The following PDSS2 variants were observed in gnomAD, a reference collection of about 807,000 sequenced individuals.
PDSS2 encodes the protein decaprenyl diphosphate synthase subunit 2.
A neutral mutation model predicts 44.5 loss-of-function variants in PDSS2; 31 were observed. The observed-to-expected ratio is 0.70, with a 90% CI of 0.52 to 0.94. The LOEUF (loss-of-function observed/expected upper bound fraction) is 0.94. Ranked by LOEUF, PDSS2 falls within the 40% of genes least tolerant of loss-of-function variation. The pLI is 0.00. For missense variants in PDSS2, 452 were observed against 482.2 expected, an observed-to-expected ratio of 0.94 and a Z score of 0.59; for synonymous variants, 157 against 180.3, an observed-to-expected ratio of 0.87 and a Z score of 1.03.
chr6:107,450,604 G>C (rs1354424133), intron 1 of PDSS2, among the ~76,000 whole-genome samples: 2 of 152,138 alleles, frequency 1.3e-5, no homozygotes, highest in Non-Finnish European at 2.9e-5. Context: ...CCAAGCTGTG[G>C]AATGAAAATG....
rs1554256034 is a variant in PDSS2 at position 107,225,139 on chromosome 6, A to ATATATATATATATATATATATT, written c.703-12858_703-12857insAATATATATATATATATATATA. Among the ~76,000 whole-genome samples, 21 of 35,524 alleles carry ATATATATATATATATATATATT rather than the reference A, an allele frequency of 5.9e-4. 6 individuals are homozygous for ATATATATATATATATATATATT. Among genetic ancestry groups the ATATATATATATATATATATATT allele is most frequent in the African/African-American group, 3.8e-3 (19 of 4,978 alleles). The allele number at this position is 35,524 out of a possible 152,430, so 23.3% of individuals were successfully genotyped here. On this transcript the variant is annotated intron_variant, in intron 4 of 7. Coordinates refer to ENST00000369037, the MANE Select transcript of PDSS2 (RefSeq NM_020381.4). Reference sequence around the variant, plus strand: ...GAAGCTTCACTATATATATATTTTTATATATATATATATATATATATATTT... The same window carrying ATATATATATATATATATATATT: ...GAAGCTTCACTATATATATATTTTTATATATATATATATATATATATTTATATATATATATATATATATATTT...
rs79807345 is a variant in PDSS2 at position 107,166,372 on chromosome 6, T to G, written c.1042-11595A>C. On this transcript the variant is annotated intron_variant, in intron 7 of 7. Transcript: ENST00000369037. ...CTAATTTATTGAGAGTTTTTTTTTT[T>G]TTTTTTTTTTGAGATGGAGTCTCAC... is the stretch of plus-strand genomic sequence containing the variant. Among the ~76,000 whole-genome samples the G allele has an allele frequency of 2.2e-4, 33 of 148,044 alleles. No homozygotes were observed. The East Asian group carries it at 4.7e-3, about 21-fold the overall frequency.
intron 3 of PDSS2, among the ~76,000 whole-genome samples, chr6:107,273,438 T>C (rs754980681): frequency 2.0e-5 from 3 of 152,130 alleles, no homozygotes; most frequent in Non-Finnish European, 4.4e-5. Context: ...TTACTGAAGA[T>C]CTACTTATGA....
intron 3 of PDSS2, among the ~76,000 whole-genome samples, chr6:107,264,827 C>T (rs1775359306): frequency 6.6e-6 from 1 of 152,144 alleles, no homozygotes; most frequent in Non-Finnish European, 1.5e-5. Flanking sequence ...GGCATGACCA[C>T]ATCACTACAG....
chr6:107,378,297 G>T (rs934432533), intron 1 of PDSS2, among the ~76,000 whole-genome samples: 4 of 149,150 alleles, frequency 2.7e-5, no homozygotes, highest in African/African-American at 7.5e-5. Flanking sequence ...AAGACACACG[G>T]GCTGAAAATG....
chr6:107,168,952 G>A (rs1160204777), intron 7 of PDSS2, among the ~76,000 whole-genome samples: 1 of 152,042 alleles, frequency 6.6e-6, no homozygotes, highest in South Asian at 2.1e-4. Context: ...ACAATTATGC[G>A]TCTTGGAGTT....
chr6:107,429,901 A>AAAAAAT (rs1166637352), intron 1 of PDSS2, among the ~76,000 whole-genome samples: 15 of 31,832 alleles, frequency 4.7e-4, no homozygotes, highest in South Asian at 2.6e-3. Flanking sequence ...AAAAAAAAAA[A>AAAAAAT]ATATATATAT....
At chr6:107,352,208 G>T (rs1778454387) in intron 1 of PDSS2, among the ~76,000 whole-genome samples, 1 of 151,950 alleles carries the variant, frequency 6.6e-6, no homozygotes, top group Admixed American at 6.6e-5. Context: ...ACTTTATAAG[G>T]ATGGACCATG....
At chr6:107,175,486 A>T (rs898649503) in intron 7 of PDSS2, among the ~76,000 whole-genome samples, 7 of 152,210 alleles carry the variant, frequency 4.6e-5, no homozygotes, top group African/African-American at 1.7e-4. Context: ...TGAGAACATA[A>T]CACATACCTA....
chr6:107,163,903 G>T (rs1230582740), intron 7 of PDSS2, among the ~76,000 whole-genome samples: 1 of 152,226 alleles, frequency 6.6e-6, no homozygotes. Flanking sequence ...ACGCCCAGCT[G>T]ATCTTGTTCT....
rs79041877 is a variant in PDSS2, at chr6:107,375,341, T to C, written c.297-41009A>G. Among the ~76,000 whole-genome samples, 56 of 152,184 alleles carry C rather than the reference T, an allele frequency of 3.7e-4. No homozygotes were observed. In the East Asian group the frequency reaches 9.3e-3, roughly 25 times the overall value. On this transcript the variant is annotated intron_variant, in intron 1 of 7. Coordinates refer to ENST00000369037, the MANE Select transcript of PDSS2 (RefSeq NM_020381.4). ...CAGATACACCTCTAGCCAAAATGATTATGAAATAAAGAAAGAAGACACAAA... is the reference window on the plus strand; with the variant it reads ...CAGATACACCTCTAGCCAAAATGATCATGAAATAAAGAAAGAAGACACAAA...
chr6:107,386,688 C>G lies in PDSS2; in HGVS notation c.297-52356G>C, dbSNP rs144851791. Among the ~76,000 whole-genome samples, 3 of 152,306 alleles carry G rather than the reference C, an allele frequency of 2.0e-5. No individual in the cohort carries two copies. In the East Asian group the frequency reaches 5.8e-4, roughly 29 times the overall value. ...GCCCAAAGATCTCAGGATTAGGGTA[C>G]AGCAGACTGCAAGCTATACTACTTT... On this transcript the variant is annotated intron_variant, in intron 1 of 7. Coordinates refer to ENST00000369037, the MANE Select transcript of PDSS2 (RefSeq NM_020381.4).
At chr6:107,258,011 C>T (rs1775082522) in intron 3 of PDSS2, among the ~76,000 whole-genome samples, 2 of 152,304 alleles carry the variant, frequency 1.3e-5, no homozygotes, top group South Asian at 4.1e-4. Context: ...ATGTGACTTA[C>T]TTGTGTAAAT....
intron 1 of PDSS2, among the ~76,000 whole-genome samples, chr6:107,442,506 C>T (rs1781540365): frequency 6.6e-6 from 1 of 152,186 alleles, no homozygotes; most frequent in African/African-American, 2.4e-5. Flanking sequence ...ATACTTCCTC[C>T]CTGAGAGATG....
At chr6:107,419,468 C>A (rs1780760174) in intron 1 of PDSS2, among the ~76,000 whole-genome samples, 1 of 152,196 alleles carries the variant, frequency 6.6e-6, no homozygotes, top group Non-Finnish European at 1.5e-5. Flanking sequence ...CAAATTAGAG[C>A]AGTACACAAG....
chr6:107,322,088 A>G (rs1371469975), intron 2 of PDSS2, among the ~76,000 whole-genome samples: 1 of 152,262 alleles, frequency 6.6e-6, no homozygotes, highest in Non-Finnish European at 1.5e-5. Context: ...ATGACAAAGA[A>G]AAACATTAAT....
chr6:107,261,971 C>A (rs371933046), intron 3 of PDSS2, among the ~76,000 whole-genome samples: 2 of 137,024 alleles, frequency 1.5e-5, no homozygotes, highest in Non-Finnish European at 3.0e-5. Flanking sequence ...TGCAGTGGTG[C>A]GATCTTGGCT....
intron 1 of PDSS2, among the ~76,000 whole-genome samples, chr6:107,428,752 G>A (rs970861409): frequency 4.6e-5 from 7 of 152,166 alleles, no homozygotes; most frequent in African/African-American, 1.7e-4. Flanking sequence ...TGGGAGTATT[G>A]CTTGAGCTGA....
intron 6 of PDSS2, among the ~76,000 whole-genome samples, chr6:107,205,518 T>C (rs1772943834): frequency 6.6e-6 from 1 of 152,110 alleles, no homozygotes; most frequent in South Asian, 2.1e-4. Context: ...CTCCCCAGGG[T>C]GAATAACCCA....
Sources: allele counts gnomAD v4.1 joint callset (sites outside exome capture counted in the v4.1 genomes callset), GRCh38; gene constraint gnomAD v4.1.1; transcripts MANE v1.5; gene names NCBI Gene and HGNC (gene_info 2026-07-23, HGNC 2026-07-21).